Variants in CLSTN1 observed in about 807,000 individuals in gnomAD.
CLSTN1 encodes the protein calsyntenin-1.
A neutral mutation model predicts 108.3 loss-of-function variants in CLSTN1; 28 were observed. The observed-to-expected ratio is 0.26, with a 90% confidence interval of 0.19 to 0.35. The LOEUF is 0.35. Ranked by LOEUF, CLSTN1 falls within the 10% of genes least tolerant of loss-of-function variation. CLSTN1 has a pLI of 1.00. For missense variants in CLSTN1, 1,157 were observed against 1,302.6 expected (o/e 0.89, Z 1.72); for synonymous variants, 524 against 534.9 (o/e 0.98, Z 0.28).
chr1:9,776,862 T>TTATGTATCATCTATCAGCATTTATC (rs1652975372), intron 1 of CLSTN1, among the ~76,000 whole-genome samples: 24 of 140,122 alleles, frequency 1.7e-4, no homozygotes, highest in African/African-American at 6.8e-4. Flanking sequence ...CTATCAGCAT[T>TTATGTATCATCTATCAGCATTTATC]TATCTATCTA....
intron 5 of CLSTN1, among the ~76,000 whole-genome samples, chr1:9,750,493 T>C (rs1457408485): frequency 6.6e-6 from 1 of 151,982 alleles, no homozygotes; most frequent in East Asian, 1.9e-4. Flanking sequence ...TGGAGTGCAG[T>C]GGCCTGATCT....
chr1:9,752,845 G>A lies in CLSTN1; in HGVS notation c.441-1164C>T, dbSNP rs572582169. Among the ~76,000 whole-genome samples the A allele has an allele frequency of 4.6e-5, 7 of 152,162 alleles. No individual in the cohort carries two copies. In the South Asian group the frequency reaches 1.0e-3, roughly 23 times the overall value. On this transcript the variant is annotated intron_variant, in intron 4 of 18. Transcript: ENST00000377298. ...CCACCGCACTCCAGCCTGGGTGACAGAGCGAGACTCTGCCTCAAAAAATAA... is the reference window on the plus strand; with the variant it reads ...CCACCGCACTCCAGCCTGGGTGACAAAGCGAGACTCTGCCTCAAAAAATAA...
chr1:9,805,361 G>C (rs1434712439), intron 1 of CLSTN1, among the ~76,000 whole-genome samples: 2 of 152,134 alleles, frequency 1.3e-5, no homozygotes. Context: ...GACTCCTGCG[G>C]GGGCAGGGAG....
In CLSTN1 at chr1:9,823,378, G is replaced by T. The variant is rs2101369559; in HGVS notation, c.91+265C>A. On this transcript the variant is annotated intron_variant, in intron 1 of 18. Transcript: ENST00000377298. The surrounding 1 kb of genome is among the most constrained non-coding windows in gnomAD (Gnocchi z 6.3). ...GCTCAGGAGCCCCGCCCGGGACGGA[G>T]CCTGGCTTCCCCGGGACGCCTGCAG... Among the ~76,000 whole-genome samples, 1 of 152,260 alleles carries T rather than the reference G, an allele frequency of 6.6e-6. No homozygotes were observed. The highest frequency in any genetic ancestry group is 2.1e-4 in the South Asian group (1 of 4,826).
chr1:9,786,001 C>T (rs1157731039), intron 1 of CLSTN1, among the ~76,000 whole-genome samples: 1 of 151,784 alleles, frequency 6.6e-6, no homozygotes, highest in East Asian at 1.9e-4. Flanking sequence ...AATGATAAAA[C>T]CCTGTCTCTA....
chr1:9,816,553 A>T (rs1228409167), intron 1 of CLSTN1, among the ~76,000 whole-genome samples: 2 of 140,324 alleles, frequency 1.4e-5, no homozygotes, highest in Non-Finnish European at 3.1e-5. Context: ...AAAAAAAAAA[A>T]GGAGTGGATG....
At chr1:9,733,335 G>A in intron 16 of CLSTN1, 66 bp downstream of exon 16, 1 of 1,585,530 alleles carries the variant, frequency 6.3e-7, no homozygotes, top group East Asian at 2.2e-5. Flanking sequence ...TGAATATTAG[G>A]GCTGCAAATC....
intron 1 of CLSTN1, among the ~76,000 whole-genome samples, chr1:9,786,827 T>C (rs2101209744): frequency 6.6e-6 from 1 of 151,238 alleles, no homozygotes; most frequent in East Asian, 2.0e-4. Context: ...ATCGGGCTCC[T>C]CGTGTTGGGG....
At chr1:9,767,453 G>A (rs1310970886) in intron 2 of CLSTN1, among the ~76,000 whole-genome samples, 1 of 151,588 alleles carries the variant, frequency 6.6e-6, no homozygotes, top group Non-Finnish European at 1.5e-5. Flanking sequence ...GCTGAGGCAG[G>A]AGAATTGCTT....
chr1:9,778,685 G>A (rs564622480), intron 1 of CLSTN1, among the ~76,000 whole-genome samples: 7 of 152,144 alleles, frequency 4.6e-5, no homozygotes, highest in South Asian at 4.2e-4. Context: ...TTCTCCCCCC[G>A]TCCATAGGCT....
At chr1:9,803,784 A>C (rs1259135556) in intron 1 of CLSTN1, among the ~76,000 whole-genome samples, 1 of 152,116 alleles carries the variant, frequency 6.6e-6, no homozygotes, top group Non-Finnish European at 1.5e-5. Flanking sequence ...CCTGGGCAAC[A>C]GAGCAAGACT....
Position 9,785,795 on chromosome 1 carries a change from CTT to C in CLSTN1, c.92-12403_92-12402del, listed in dbSNP as rs77923873. 4.4e-3 allele frequency among the ~76,000 whole-genome samples: 630 copies of C among 142,190 alleles called. 11 individuals are homozygous for C. The highest frequency in any genetic ancestry group is 0.044 in the East Asian group (219 of 4,972). The allele number at this position is 142,190 out of a possible 152,430, so 93.3% of individuals were successfully genotyped here. On this transcript the variant is annotated intron_variant, in intron 1 of 18. Coordinates refer to ENST00000377298, the MANE Select transcript of CLSTN1 (RefSeq NM_001009566.3). Reference sequence around the variant, plus strand: ...TTGTGCATTACATTGATGTGAATTTCTTTTTTTTTTTTTTTCCGAGTCAGGGT... The same window carrying C: ...TTGTGCATTACATTGATGTGAATTTCTTTTTTTTTTTTTCCGAGTCAGGGT...
In CLSTN1 at chr1:9,791,764, C is replaced by T. The variant is rs1395403978; in HGVS notation, c.92-18370G>A. Among the ~76,000 whole-genome samples, 3 of 147,182 alleles carry T rather than the reference C, an allele frequency of 2.0e-5. No individual in the cohort carries two copies. In the South Asian group the frequency reaches 7.0e-4, roughly 34 times the overall value. On this transcript the variant is annotated intron_variant, in intron 1 of 18. Coordinates refer to ENST00000377298, the MANE Select transcript of CLSTN1 (RefSeq NM_001009566.3). ...CAAGCTGCTGGTCTTGAACTCCTGA[C>T]CTTAAGTGATCCGCCTGCCTCGGCC...
At chr1:9,816,016 A>G (rs1316510868) in intron 1 of CLSTN1, among the ~76,000 whole-genome samples, 7 of 152,232 alleles carry the variant, frequency 4.6e-5, no homozygotes, top group African/African-American at 1.7e-4. Flanking sequence ...TATACACCCA[A>G]GAGAAATGAA....
chr1:9,733,836 C>A, intron 15 of CLSTN1, 136 bp downstream of exon 15: 2 of 909,242 alleles, frequency 2.2e-6, no homozygotes, highest in South Asian at 1.6e-5. Context: ...AACAATGATC[C>A]CAGCGAACGT....
intron 1 of CLSTN1, among the ~76,000 whole-genome samples, chr1:9,816,947 G>A (rs573467118): frequency 7.2e-5 from 11 of 152,088 alleles, no homozygotes; most frequent in Admixed American, 2.6e-4. Flanking sequence ...GCACCCAGCC[G>A]GTGGTCCTCC....
chr1:9,735,423 T>C (rs1650630650), intron 13 of CLSTN1, 44 bp downstream of exon 13: 1 of 1,613,496 alleles, frequency 6.2e-7, no homozygotes, highest in Admixed American at 1.7e-5. Context: ...AATATACAAG[T>C]GTCATTGGGC....
Position 9,735,491 on chromosome 1 carries a change from C to T in CLSTN1, c.1859G>A (p.Arg620Lys). ...CTTGATTGTGCTGGTGATTTTGAGT[C>T]TGCGAATTCCGGGCGTGGGGAACTG... ...SRQFPTPGIR[R>K]LKITSTIKCF... The change falls in exon 13 of 19, where the codon AGA becomes AAA. Residue 620 changes from arginine to lysine, a missense_variant. Coordinates refer to ENST00000377298, the MANE Select transcript of CLSTN1 (RefSeq NM_001009566.3). 11 of 1,614,188 alleles carry T rather than the reference C, an allele frequency of 6.8e-6. No homozygotes were observed. The highest frequency in any genetic ancestry group is 8.5e-6 in the Non-Finnish European group (10 of 1,180,028).
intron 1 of CLSTN1, among the ~76,000 whole-genome samples, chr1:9,790,377 C>T (rs1386846293): frequency 4.0e-5 from 6 of 151,462 alleles, no homozygotes; most frequent in Admixed American, 6.7e-5. Context: ...AATGCTATTT[C>T]GGCATTAATT....
Sources: allele counts gnomAD v4.1 joint callset (sites outside exome capture counted in the v4.1 genomes callset), GRCh38; gene constraint gnomAD v4.1.1; non-coding constraint Gnocchi (gnomAD v3.1); transcripts MANE v1.5; gene names NCBI Gene and HGNC (gene_info 2026-07-23, HGNC 2026-07-21).